The following NCF2 variants were observed in gnomAD, a reference collection of about 807,000 sequenced individuals.
NCF2 encodes neutrophil cytosolic factor 2.
Under a neutral mutation model 70.9 loss-of-function variants are expected in NCF2, and 45 were observed. That is an observed-to-expected ratio of 0.63 (90% confidence interval 0.50 to 0.81). NCF2 has a LOEUF of 0.81. NCF2 is among the 40% of genes least tolerant of loss of function. The pLI is 0.00. For missense variants in NCF2, 522 were observed against 631.6 expected, an observed-to-expected ratio of 0.83 and a Z score of 1.86; for synonymous variants, 203 against 233.6, an observed-to-expected ratio of 0.87 and a Z score of 1.19.
rs989752411 is a variant in NCF2, at chr1:183,555,971, G to A, written c.*147C>T. On this transcript the variant is annotated 3_prime_UTR_variant, in exon 15 of 15. Coordinates refer to ENST00000367535, the MANE Select transcript of NCF2 (RefSeq NM_000433.4). ...AATCATCCTGGGTACTCACATCATT[G>A]TCTAGTAGGTTAAATTTTAACAGGG... 78 of 737,136 alleles carry A rather than the reference G, an allele frequency of 1.1e-4. 1 individual carries two copies. Among genetic ancestry groups the A allele is most frequent in the Middle Eastern group, 2.9e-4 (1 of 3,432 alleles). 45.7% of individuals were successfully genotyped at this position (737,136 alleles called of 1,614,324 possible). A position where few individuals can be genotyped will look rare whatever the true frequency, so the allele number is the denominator to read the frequency against.
At chr1:183,576,712 G>A (rs1672815078) in intron 3 of NCF2, among the ~76,000 whole-genome samples, 1 of 152,184 alleles carries the variant, frequency 6.6e-6, no homozygotes, top group Non-Finnish European at 1.5e-5. Context: ...CTGCAGGGTT[G>A]GGATGGGGCC....
At chr1:183,568,470 A>G (rs1416243868) in intron 7 of NCF2, among the ~76,000 whole-genome samples, 1 of 151,824 alleles carries the variant, frequency 6.6e-6, no homozygotes, top group African/African-American at 2.4e-5. Context: ...CTGGCCAATC[A>G]CTTTTTAAAA....
chr1:183,576,698 C>A (rs1427409990), intron 3 of NCF2, among the ~76,000 whole-genome samples: 1 of 152,178 alleles, frequency 6.6e-6, no homozygotes, highest in Non-Finnish European at 1.5e-5. Flanking sequence ...TAGTTGCTAG[C>A]CTGCTGCAGG....
rs759959096 is a variant in NCF2 at position 183,590,400 on chromosome 1, C to T, written c.-71G>A. On this transcript the variant is annotated 5_prime_UTR_variant, in exon 1 of 15. Coordinates refer to ENST00000367535, the MANE Select transcript of NCF2 (RefSeq NM_000433.4). Reference sequence around the variant, plus strand: ...GAGAAGACAGGTTGGAGCGTCTCCCCTAGCAGGGCTGCCTTAGTGGCCCCC... The same window carrying T: ...GAGAAGACAGGTTGGAGCGTCTCCCTTAGCAGGGCTGCCTTAGTGGCCCCC... 6.4e-7 allele frequency: 1 copy of T among 1,573,772 alleles called. No individual in the cohort carries two copies. Among genetic ancestry groups the T allele is most frequent in the South Asian group, 1.1e-5 (1 of 89,706 alleles).
chr1:183,570,704 C>T (rs760153375), intron 6 of NCF2, 76 bp downstream of exon 6: 95 of 1,489,562 alleles, frequency 6.4e-5, no homozygotes, highest in Non-Finnish European at 8.4e-5. Flanking sequence ...ACTCAGCACA[C>T]ATAGTCTCTC....
At chr1:183,579,509 G>A (rs766761572) in intron 2 of NCF2, among the ~76,000 whole-genome samples, 25 of 151,988 alleles carry the variant, frequency 1.6e-4, no homozygotes, top group Non-Finnish European at 1.2e-4. Flanking sequence ...GGTGGATCAC[G>A]AGGTCAGGAG....
At position 183,590,459 on chromosome 1, in the gene NCF2, T is replaced by C; in HGVS notation, c.-130A>G. ...CACTTTCTGGGCCAGATGAGTAGAA[T>C]GGGGCCCAGCCTCCCTTAAGATAAC... On this transcript the variant is annotated 5_prime_UTR_variant, in exon 1 of 15. Coordinates refer to ENST00000367535, the MANE Select transcript of NCF2 (RefSeq NM_000433.4). 1 of 961,582 alleles carries C rather than the reference T, an allele frequency of 1.0e-6. No individual in the cohort carries two copies. Among genetic ancestry groups the C allele is most frequent in the Non-Finnish European group, 1.6e-6 (1 of 610,032 alleles). 59.6% of individuals were successfully genotyped at this position (961,582 alleles called of 1,614,324 possible).
intron 5 of NCF2, 122 bp downstream of exon 5, chr1:183,573,063 C>G (rs776025041): frequency 6.8e-6 from 6 of 887,686 alleles, no homozygotes; most frequent in African/African-American, 1.6e-5. Flanking sequence ...AAACAAGTCT[C>G]TCATTGCCAT....
intron 14 of NCF2, 100 bp downstream of exon 14, chr1:183,559,996 A>G: frequency 3.0e-6 from 4 of 1,355,464 alleles, no homozygotes; most frequent in Non-Finnish European, 4.2e-6. Flanking sequence ...ACACTGGCTA[A>G]AGTTTTGTTT....
At position 183,567,239 on chromosome 1, in the gene NCF2, T is replaced by C. The variant is rs539632630; in HGVS notation, c.820A>G (p.Asn274Asp). The C allele has an allele frequency of 1.9e-6, 3 of 1,614,124 alleles. No individual in the cohort carries two copies. In the South Asian group the frequency reaches 3.3e-5, roughly 18 times the overall value. Residue 274 changes from asparagine (N) to aspartate (D), a missense_variant, in exon 8 of 15, where the codon AAT (asparagine) becomes GAT (aspartate). Transcript: ENST00000367535. ...GNIVFVLKKG[N>D]DNWATVMFNG... ...AACATGACCGTGGCCCAGTTATCATTGCCCTTCTTCAAGACAAAGACAATG... is the reference window on the plus strand; with the variant it reads ...AACATGACCGTGGCCCAGTTATCATCGCCCTTCTTCAAGACAAAGACAATG...
chr1:183,586,096 G>T (rs1204505844), intron 2 of NCF2, among the ~76,000 whole-genome samples: 1 of 152,106 alleles, frequency 6.6e-6, no homozygotes, highest in South Asian at 2.1e-4. Context: ...GCACTTTGGG[G>T]GGCTGAGGTG....
At chr1:183,595,830 C>T (rs966072809), upstream of NCF2, among the ~76,000 whole-genome samples, 1 of 152,138 alleles carries the variant, frequency 6.6e-6, no homozygotes. Context: ...AATCCCTTCA[C>T]CTTTGCCATG....
the NCF2 span, among the ~76,000 whole-genome samples, chr1:183,596,260 A>G: frequency 6.7e-6 from 1 of 149,242 alleles, no homozygotes; most frequent in Non-Finnish European, 1.5e-5. Flanking sequence ...TATGTGTCCT[A>G]GCATCCTAGA....
intron 4 of NCF2, among the ~76,000 whole-genome samples, chr1:183,573,839 C>T: frequency 6.6e-6 from 1 of 152,242 alleles, no homozygotes; most frequent in East Asian, 1.9e-4. Flanking sequence ...CCTGTAATCC[C>T]TGCACTTTGG....
At position 183,567,318 on chromosome 1, in the gene NCF2, C is replaced by G. The variant is rs1401702903; in HGVS notation, c.741G>C (p.Val247=). The G allele has an allele frequency of 1.2e-6, 2 of 1,614,060 alleles. No individual in the cohort carries two copies. Among genetic ancestry groups the G allele is most frequent in the African/African-American group, 2.7e-5 (2 of 74,908 alleles). The part of the protein sequence containing the change: ...FRALEGEAHR[V]LFGFVPETKE... ...TTGTCTCAGGCACAAACCCAAATAG[C>G]ACACGGTGAGCCTCCCCTTCCAGAG... Residue 247 remains valine (V), a synonymous_variant, in exon 8 of 15, where the codon GTG becomes GTC. Coordinates refer to ENST00000367535, the MANE Select transcript of NCF2 (RefSeq NM_000433.4).
intron 5 of NCF2, among the ~76,000 whole-genome samples, chr1:183,572,767 C>T (rs1281166625): frequency 2.6e-5 from 4 of 152,096 alleles, no homozygotes; most frequent in Middle Eastern, 3.2e-3. Flanking sequence ...AGCCTCTCCA[C>T]TAGCTAGGCT....
chr1:183,599,454 CTTTCTTT>C, the NCF2 span, among the ~76,000 whole-genome samples: 16 of 88,290 alleles, frequency 1.8e-4, no homozygotes, highest in Non-Finnish European at 4.3e-4. Context: ...TTCTTTCTTT[CTTTCTTT>C]CTTTCTTTCT....
intron 8 of NCF2, 97 bp downstream of exon 8, chr1:183,567,107 C>T: frequency 6.2e-7 from 1 of 1,608,492 alleles, no homozygotes; most frequent in Middle Eastern, 1.7e-4. Flanking sequence ...AAGAACTTGG[C>T]TGGTCTGCAA....
Position 183,565,530 on chromosome 1 carries a change from G to A in NCF2, c.1000+174C>T, listed in dbSNP as rs13306583. Among the ~76,000 whole-genome samples the A allele has an allele frequency of 1.8e-3, 268 of 152,280 alleles. 3 individuals carry two copies. The highest frequency in any genetic ancestry group is 0.013 in the Admixed American group (205 of 15,296). ...CAGGGAGAGAGGGCACTGATTTCAT[G>A]TTTGGGGTGGGTGGTGCAGGAAAGG... On this transcript the variant is annotated intron_variant, in intron 10 of 14. Transcript: ENST00000367535.
Sources: gnomAD v4.1 joint callset for allele counts (sites outside exome capture counted in the v4.1 genomes callset) on GRCh38, gnomAD v4.1.1 for gene constraint, MANE v1.5 for transcripts, NCBI Gene and HGNC (gene_info 2026-07-23, HGNC 2026-07-21) for gene names.